Variants in MARK3 observed in about 807,000 individuals in gnomAD.
MARK3 encodes MAP/microtubule affinity-regulating kinase 3.
A neutral mutation model predicts 90.1 loss-of-function variants in MARK3; 46 were observed. The ratio of observed to expected loss-of-function variants is 0.51; its 90% CI spans 0.40 to 0.65. The LOEUF (loss-of-function observed/expected upper bound fraction) is 0.65, where lower values mean the gene tolerates loss of function less well. MARK3 is among the 30% of genes least tolerant of loss of function. The pLI, the probability that MARK3 is intolerant of heterozygous loss-of-function variation, is 0.00. For missense variants in MARK3, 818 were observed against 947.2 expected, an observed-to-expected ratio of 0.86 and a Z score of 1.79; for synonymous variants, 321 against 332.6, an observed-to-expected ratio of 0.97 and a Z score of 0.38.
intron 4 of MARK3, among the ~76,000 whole-genome samples, chr14:103,451,651 C>T (rs1390223520): frequency 2.0e-5 from 3 of 152,182 alleles, no homozygotes; most frequent in Non-Finnish European, 4.4e-5. Context: ...AGGAAGTGAG[C>T]TCAGGTACAC....
Position 103,491,841 on chromosome 14 carries a change from G to T in MARK3, c.1651G>T (p.Asp551Tyr). The T allele has an allele frequency of 6.2e-7, 1 of 1,614,188 alleles. No individual in the cohort carries two copies. The change falls in exon 15 of 18, where the codon GAT (aspartate) becomes TAT (tyrosine). Residue 551 changes from aspartate (D) to tyrosine (Y), a missense_variant. By Grantham distance (160) the Asp-to-Tyr change is radical. This residue lies in a region of MARK3 where 560 missense variants were observed against 613.5 expected (regional missense o/e 0.91). Transcript: ENST00000429436. The stretch of plus-strand genomic sequence containing the variant: ...CAGTATCAGTAGTGCAGCCACCCCA[G>T]ATCGAATCCGCTTCCCAAGAGGCAC... ...THSISSAATP[D>Y]RIRFPRGTAS...
intron 2 of MARK3, among the ~76,000 whole-genome samples, chr14:103,415,150 C>CAA (rs34245934): frequency 0.4 from 15,049 of 37,752 alleles, 3,457 homozygotes; most frequent in South Asian, 0.61. Context: ...GACCTTGTCT[C>CAA]AAAAAAAAAA....
rs56157932 is a variant in MARK3 at position 103,475,131 on chromosome 14, C to T, written c.1403C>T (p.Ala468Val). 139 of 1,614,026 alleles carry T rather than the reference C, an allele frequency of 8.6e-5. No homozygotes were observed. Among genetic ancestry groups the T allele is most frequent in the Non-Finnish European group, 1.1e-4 (135 of 1,180,026 alleles). ...SAVGGKGIAP[A>V]SPMLGNASNP... Reference sequence around the variant, plus strand: ...GTTGGAGGAAAGGGAATTGCTCCAGCCAGTCCCATGCTTGGGAATGCAAGT... The same window carrying T: ...GTTGGAGGAAAGGGAATTGCTCCAGTCAGTCCCATGCTTGGGAATGCAAGT... Residue 468 changes from alanine (A) to valine (V), a missense_variant, in exon 13 of 18, where the codon GCC becomes GTC. Around this residue, in one of 3 missense-constraint regions of MARK3, gnomAD observed 560 missense variants for 613.5 expected, o/e 0.91. Transcript: ENST00000429436.
Position 103,390,254 on chromosome 14 carries a change from A to T in MARK3, c.51+4174A>T, listed in dbSNP as rs1166772605. ...CAGAGTGAGACTCCATCTCAAAAAA[A>T]AAGTTCACTGTTGCTGCATCGTGTT... On this transcript the variant is annotated intron_variant, in intron 1 of 17. Coordinates refer to ENST00000429436, the MANE Select transcript of MARK3 (RefSeq NM_001128918.3). 1.3e-5 allele frequency among the ~76,000 whole-genome samples: 2 copies of T among 152,188 alleles called. 1 individual carries two copies. The highest frequency in any genetic ancestry group is 4.8e-5 in the African/African-American group (2 of 41,440).
chr14:103,407,857 C>A (rs2091407386), intron 2 of MARK3, among the ~76,000 whole-genome samples: 1 of 152,098 alleles, frequency 6.6e-6, no homozygotes, highest in African/African-American at 2.4e-5. Context: ...GCGTGCCCAA[C>A]CTTTGATGTA....
At chr14:103,427,283 T>G (rs1039722940) in intron 2 of MARK3, among the ~76,000 whole-genome samples, 2 of 151,584 alleles carry the variant, frequency 1.3e-5, no homozygotes, top group Non-Finnish European at 2.9e-5. Context: ...GTGGATCACC[T>G]GGGGTCAGGA....
In MARK3 at chr14:103,456,209, A is replaced by G. The variant is rs2141408688; in HGVS notation, c.413-933A>G. ...TGTGCTTCCCACTCTAGTCCCCGTC[A>G]CTTTCATGATTGGTTTGATTATTGT... On this transcript the variant is annotated intron_variant, in intron 5 of 17. Transcript: ENST00000429436. Among the ~76,000 whole-genome samples, 3 of 152,218 alleles carry G rather than the reference A, an allele frequency of 2.0e-5. 1 individual carries two copies. In the South Asian group the frequency reaches 6.2e-4, roughly 32 times the overall value.
At chr14:103,456,260 T>A (rs1595762124) in intron 5 of MARK3, among the ~76,000 whole-genome samples, 1 of 152,154 alleles carries the variant, frequency 6.6e-6, no homozygotes, top group African/African-American at 2.4e-5. Context: ...GGTCTTCCTG[T>A]CCCTTCCCGT....
intron 14 of MARK3, 136 bp from the exon 15 acceptor site, chr14:103,491,641 C>A: frequency 1.2e-6 from 1 of 843,478 alleles, no homozygotes; most frequent in Non-Finnish European, 1.8e-6. Flanking sequence ...TTACCTTTTG[C>A]TCCTAAGTCC....
chr14:103,481,829 T>C (rs2093828563), intron 14 of MARK3, among the ~76,000 whole-genome samples: 1 of 128,150 alleles, frequency 7.8e-6, no homozygotes. Context: ...TGCAGTGGCC[T>C]GATCTCGGCT....
At chr14:103,395,516 A>G (rs2090525283) in intron 1 of MARK3, among the ~76,000 whole-genome samples, 1 of 152,062 alleles carries the variant, frequency 6.6e-6, no homozygotes, top group Non-Finnish European at 1.5e-5. Context: ...TCTGCTGCAT[A>G]GTTGTCATCC....
intron 11 of MARK3, 28 bp downstream of exon 11, chr14:103,467,219 A>G (rs8010247): frequency 0.32 from 326,975 of 1,029,832 alleles, 55,382 homozygotes; most frequent in East Asian, 0.5. Flanking sequence ...GAGCTGAAAT[A>G]CCCTGTATGT....
At chr14:103,407,721 C>G (rs972383684) in intron 2 of MARK3, among the ~76,000 whole-genome samples, 1 of 151,642 alleles carries the variant, frequency 6.6e-6, no homozygotes, top group Non-Finnish European at 1.5e-5. Context: ...CCACCATGCC[C>G]GGCTAATTTT....
In MARK3 at chr14:103,389,208, C is replaced by T. The variant is rs556691554; in HGVS notation, c.51+3128C>T. Among the ~76,000 whole-genome samples the T allele has an allele frequency of 6.0e-5, 9 of 151,144 alleles. No individual in the cohort carries two copies. The South Asian group carries it at 8.4e-4, about 14-fold the overall frequency. On this transcript the variant is annotated intron_variant, in intron 1 of 17. Coordinates refer to ENST00000429436, the MANE Select transcript of MARK3 (RefSeq NM_001128918.3). ...TGAAACCCTGTCTCTACTAAAAATACGAAAAATTAGCCGGGCGTGGTGGCA... is the reference window on the plus strand; with the variant it reads ...TGAAACCCTGTCTCTACTAAAAATATGAAAAATTAGCCGGGCGTGGTGGCA...
chr14:103,469,805 G>A (rs2093590416), intron 12 of MARK3, among the ~76,000 whole-genome samples: 2 of 152,056 alleles, frequency 1.3e-5, no homozygotes, highest in South Asian at 2.1e-4. Context: ...GCTCATGCCT[G>A]TAATTCCAGC....
At chr14:103,431,952 C>G (rs117703180) in intron 3 of MARK3, among the ~76,000 whole-genome samples, 2,569 of 151,894 alleles carry the variant, frequency 0.017, 25 homozygotes, top group South Asian at 0.032. Context: ...CAGAAGCCTA[C>G]TTTATTCCAT....
intron 12 of MARK3, 128 bp downstream of exon 12, chr14:103,468,314 C>CTTTTTTTTTTTT (rs759932678): frequency 7.0e-5 from 8 of 113,980 alleles, no homozygotes; most frequent in African/African-American, 4.0e-4. Flanking sequence ...TTTCTTTCTT[C>CTTTTTTTTTTTT]TTTTTTTTTT....
chr14:103,450,166 G>A (rs1173609257), intron 4 of MARK3, among the ~76,000 whole-genome samples: 1 of 151,880 alleles, frequency 6.6e-6, no homozygotes, highest in Non-Finnish European at 1.5e-5. Flanking sequence ...AAAAAATTTA[G>A]AATCAATAAG....
chr14:103,398,027 T>A (rs1423741050), intron 1 of MARK3, among the ~76,000 whole-genome samples: 1 of 152,224 alleles, frequency 6.6e-6, no homozygotes, highest in Non-Finnish European at 1.5e-5. Flanking sequence ...ATATTACATA[T>A]GTCTTATCTG....
Sources: allele counts gnomAD v4.1 joint callset (sites outside exome capture counted in the v4.1 genomes callset), GRCh38; gene constraint gnomAD v4.1.1; regional missense constraint gnomAD v4.1.1; transcripts MANE v1.5; gene names NCBI Gene and HGNC (gene_info 2026-07-23, HGNC 2026-07-21).